Variants in TTC7B observed in about 807,000 individuals in gnomAD.
TTC7B encodes tetratricopeptide repeat domain 7B.
Under a neutral mutation model 106.8 loss-of-function variants are expected in TTC7B, and 28 were observed. That is an observed-to-expected ratio of 0.26 (90% CI 0.19 to 0.36). The LOEUF is 0.36. Among genes scored for constraint, TTC7B ranks in the 10% least tolerant of loss-of-function variants. TTC7B has a pLI of 1.00. For missense variants in TTC7B, 862 were observed against 1,076.4 expected, an observed-to-expected ratio of 0.80 and a Z score of 2.79; for synonymous variants, 405 against 430.6, an observed-to-expected ratio of 0.94 and a Z score of 0.74.
At chr14:90,678,536 T>C (rs1886928949) in intron 8 of TTC7B, among the ~76,000 whole-genome samples, 2 of 152,208 alleles carry the variant, frequency 1.3e-5, no homozygotes, top group Non-Finnish European at 2.9e-5. Flanking sequence ...GATTTCTACC[T>C]ACATTTTCTG....
chr14:90,613,246 T>G (rs1489047917), intron 16 of TTC7B, among the ~76,000 whole-genome samples: 8 of 151,830 alleles, frequency 5.3e-5, no homozygotes, highest in Non-Finnish European at 7.4e-5. Context: ...AATAAAAAAA[T>G]TAGCCAGGCT....
rs981682945 is a variant in TTC7B at position 90,576,616 on chromosome 14, C to T, written c.2310+1490G>A. On this transcript the variant is annotated intron_variant, in intron 19 of 19. Coordinates refer to ENST00000328459, the MANE Select transcript of TTC7B (RefSeq NM_001010854.2). ...CCCACTGGGGTAGGAGCCCAATTCA[C>T]CTAAACACAACAAGGTGCCTAAAGG... 2.0e-5 allele frequency among the ~76,000 whole-genome samples: 3 copies of T among 152,192 alleles called. No individual in the cohort carries two copies. The South Asian group carries it at 6.2e-4, about 32-fold the overall frequency.
rs1889207179 is a variant in TTC7B at position 90,528,704 on chromosome 14, A to C, written c.*12664T>G. On this transcript the variant is annotated 3_prime_UTR_variant, in exon 20 of 20. Transcript: ENST00000328459. ...TTTGTTACCTGTTTCCGATGGTGTG[A>C]CCTGACTGCGCTTTGTTACCTGTTT... 1 of 150,076 alleles carries C rather than the reference A, an allele frequency of 6.7e-6. No homozygotes were observed. The highest frequency in any genetic ancestry group is 1.5e-5 in the Non-Finnish European group (1 of 68,298). The allele number at this position is 150,076 out of a possible 1,614,324, so 9.3% of individuals were successfully genotyped here.
intron 11 of TTC7B, among the ~76,000 whole-genome samples, chr14:90,656,246 A>G (rs1273877324): frequency 6.6e-6 from 1 of 152,242 alleles, no homozygotes; most frequent in Non-Finnish European, 1.5e-5. Context: ...GCAAGGATAT[A>G]AGGGTGAACA....
chr14:90,569,657 G>C (rs1334732395), intron 19 of TTC7B: 3 of 152,254 alleles, frequency 2.0e-5, no homozygotes, highest in Non-Finnish European at 4.4e-5. Flanking sequence ...GATCTTGTCT[G>C]AGTGAACTGA....
chr14:90,805,783 A>G lies in TTC7B; in HGVS notation c.121+10392T>C, dbSNP rs775760558. ...AGATATGGGGAATTAGCCGCCCTGC[A>G]GGGGGTCCGTGCCCTGCCTCAGCTC... On this transcript the variant is annotated intron_variant, in intron 1 of 19. Transcript: ENST00000328459. This position sits in a 1 kb window ranked among gnomAD's most constrained non-coding sequence, Gnocchi z 4.0. Among the ~76,000 whole-genome samples the G allele has an allele frequency of 2.0e-5, 3 of 152,236 alleles. No individual in the cohort carries two copies. Among genetic ancestry groups the G allele is most frequent in the Non-Finnish European group, 4.4e-5 (3 of 68,024 alleles).
intron 15 of TTC7B, among the ~76,000 whole-genome samples, chr14:90,635,655 G>C (rs1884901802): frequency 6.6e-6 from 1 of 151,614 alleles, no homozygotes; most frequent in Admixed American, 6.6e-5. Flanking sequence ...AGCTACTTGG[G>C]AGGCTGAGGC....
chr14:90,630,314 C>A (rs1340717581), intron 15 of TTC7B, among the ~76,000 whole-genome samples: 1 of 152,148 alleles, frequency 6.6e-6, no homozygotes, highest in Non-Finnish European at 1.5e-5. Context: ...TGGGAGGCTG[C>A]TTCCGTGGCT....
rs1271520973 is a variant in TTC7B, at chr14:90,539,857, T to G, written c.*1511A>C. The G allele has an allele frequency of 1.3e-5, 2 of 152,278 alleles. No homozygotes were observed. Among genetic ancestry groups the G allele is most frequent in the Admixed American group, 1.3e-4 (2 of 15,288 alleles). 9.4% of individuals were successfully genotyped at this position (152,278 alleles called of 1,614,324 possible). A position where few individuals can be genotyped will look rare whatever the true frequency, so the allele number is the denominator to read the frequency against. On this transcript the variant is annotated 3_prime_UTR_variant, in exon 20 of 20. Transcript: ENST00000328459. ...AGGGCTGCTGCAGTTCCAGCCTCACTTCTCAGCTTGAAAGGCAGCAGGAAA... is the reference window on the plus strand; with the variant it reads ...AGGGCTGCTGCAGTTCCAGCCTCACGTCTCAGCTTGAAAGGCAGCAGGAAA...
chr14:90,604,461 A>T (rs995923037), intron 17 of TTC7B, among the ~76,000 whole-genome samples: 1 of 152,174 alleles, frequency 6.6e-6, no homozygotes, highest in African/African-American at 2.4e-5. Flanking sequence ...CTCGGCGTGG[A>T]TGGTTTATTT....
intron 5 of TTC7B, among the ~76,000 whole-genome samples, chr14:90,707,964 G>C (rs910145994): frequency 6.6e-6 from 1 of 152,028 alleles, no homozygotes; most frequent in African/African-American, 2.4e-5. Context: ...GGCCAACATA[G>C]TGAAACCCCA....
chr14:90,626,835 T>G (rs1297228540), intron 15 of TTC7B, among the ~76,000 whole-genome samples: 1 of 151,186 alleles, frequency 6.6e-6, no homozygotes, highest in African/African-American at 2.4e-5. Context: ...TGACGGGGGG[T>G]TTAAAGAGCA....
chr14:90,713,631 T>C (rs1372510654), intron 5 of TTC7B, among the ~76,000 whole-genome samples: 1 of 152,118 alleles, frequency 6.6e-6, no homozygotes, highest in African/African-American at 2.4e-5. Context: ...ATGGGATGGT[T>C]TCCTAAAAAG....
At chr14:90,745,848 G>GA (rs781171341) in intron 3 of TTC7B, among the ~76,000 whole-genome samples, 3 of 151,846 alleles carry the variant, frequency 2.0e-5, no homozygotes, top group Non-Finnish European at 2.9e-5. Context: ...GGGACTACGG[G>GA]CGCATTCCAC....
chr14:90,786,107 C>A lies in TTC7B; in HGVS notation c.276+67G>T, dbSNP rs972806995. The A allele has an allele frequency of 2.7e-6, 4 of 1,461,866 alleles. No homozygotes were observed. The African/African-American group carries it at 5.9e-5, about 21-fold the overall frequency. The allele number at this position is 1,461,866 out of a possible 1,614,324, so 90.6% of individuals were successfully genotyped here. A position where few individuals can be genotyped will look rare whatever the true frequency, so the allele number is the denominator to read the frequency against. ...GCTCCAAACGTCACCCGGCTCAACC[C>A]TGGGCACCCTTCTCAACCCCACACT... On this transcript the variant is annotated intron_variant, in intron 2 of 19. Coordinates refer to ENST00000328459, the MANE Select transcript of TTC7B (RefSeq NM_001010854.2).
intron 12 of TTC7B, among the ~76,000 whole-genome samples, chr14:90,653,459 G>A (rs762095975): frequency 2.0e-5 from 3 of 152,184 alleles, no homozygotes; most frequent in African/African-American, 4.8e-5. Context: ...GAATGGAGTA[G>A]GCAAACCTAA....
intron 15 of TTC7B, among the ~76,000 whole-genome samples, chr14:90,636,133 A>AG (rs926177311): frequency 2.0e-5 from 3 of 152,040 alleles, no homozygotes; most frequent in Non-Finnish European, 4.4e-5. Flanking sequence ...AAAAAAAAAA[A>AG]AAGTTCAAAA....
chr14:90,610,908 A>C, intron 16 of TTC7B, 69 bp from the exon 17 acceptor site: 1 of 1,027,130 alleles, frequency 9.7e-7, no homozygotes, highest in Non-Finnish European at 1.5e-6. Context: ...GAGGCAACCA[A>C]TACTGACTCC....
At chr14:90,692,530 A>G (rs138949468) in intron 6 of TTC7B, among the ~76,000 whole-genome samples, 147 of 152,382 alleles carry the variant, frequency 9.6e-4, no homozygotes, top group African/African-American at 3.4e-3. Flanking sequence ...CTAACGTCCA[A>G]TGTAAATCAA....
Sources: allele counts gnomAD v4.1 joint callset (sites outside exome capture counted in the v4.1 genomes callset), GRCh38; gene constraint gnomAD v4.1.1; non-coding constraint Gnocchi (gnomAD v3.1); transcripts MANE v1.5; gene names NCBI Gene and HGNC (gene_info 2026-07-23, HGNC 2026-07-21).